The following B3GALT1 variants were observed in gnomAD, a reference collection of about 807,000 sequenced individuals.
B3GALT1 encodes the protein UDP-Gal:betaGlcNAc beta 1,3-galactosyltransferase, polypeptide 1.
Under a neutral mutation model 23.2 loss-of-function variants are expected in B3GALT1, and 10 were observed. That is an observed-to-expected ratio of 0.43 (90% CI 0.27 to 0.73). The LOEUF is 0.73. Ranked by LOEUF, B3GALT1 falls within the 30% of genes least tolerant of loss-of-function variation. The probability of loss-of-function intolerance (pLI) is 0.21; values close to 1 mark genes in which losing one functional copy is unlikely to be tolerated. For missense variants in B3GALT1, 299 were observed against 405.4 expected, an observed-to-expected ratio of 0.74 and a Z score of 2.25; for synonymous variants, 156 against 141.5, an observed-to-expected ratio of 1.10 and a Z score of -0.73.
chr2:167,836,195 G>C (rs1397149267), intron 4 of B3GALT1, among the ~76,000 whole-genome samples: 1 of 152,242 alleles, frequency 6.6e-6, no homozygotes. Flanking sequence ...ACTTTGACAA[G>C]TTGAGAGAAG....
At chr2:167,616,109 A>G (rs1685157096) in intron 2 of B3GALT1, among the ~76,000 whole-genome samples, 1 of 152,242 alleles carries the variant, frequency 6.6e-6, no homozygotes, top group East Asian at 1.9e-4. Flanking sequence ...ACTTTAGTTT[A>G]TAAATCCTTA....
chr2:167,449,672 G>T (rs925575446), intron 1 of B3GALT1, among the ~76,000 whole-genome samples: 7 of 152,068 alleles, frequency 4.6e-5, no homozygotes, highest in Non-Finnish European at 1.0e-4. Flanking sequence ...TCTAGTTCCA[G>T]TTCTCAAGGG....
At chr2:167,583,737 T>C (rs1309560164) in intron 2 of B3GALT1, among the ~76,000 whole-genome samples, 1 of 152,208 alleles carries the variant, frequency 6.6e-6, no homozygotes, top group Non-Finnish European at 1.5e-5. Flanking sequence ...GCAGTAATTC[T>C]TAAATTTTTT....
At chr2:167,857,386 G>A (rs1690018518) in intron 4 of B3GALT1, among the ~76,000 whole-genome samples, 1 of 152,108 alleles carries the variant, frequency 6.6e-6, no homozygotes, top group Admixed American at 6.6e-5. Flanking sequence ...CAAGAGCAAT[G>A]TGAGTAGACT....
At chr2:167,834,223 A>G (rs1689411027) in intron 4 of B3GALT1, among the ~76,000 whole-genome samples, 1 of 152,206 alleles carries the variant, frequency 6.6e-6, no homozygotes, top group South Asian at 2.1e-4. Flanking sequence ...TTGTATCATG[A>G]AGACTGGGTA....
intron 4 of B3GALT1, among the ~76,000 whole-genome samples, chr2:167,865,618 C>T (rs1429026128): frequency 1.3e-5 from 2 of 152,000 alleles, no homozygotes; most frequent in African/African-American, 2.4e-5. Flanking sequence ...CGTGAAACCC[C>T]GTCTCTACTA....
intron 2 of B3GALT1, among the ~76,000 whole-genome samples, chr2:167,510,299 A>G (rs1699986145): frequency 6.6e-6 from 1 of 152,102 alleles, no homozygotes; most frequent in Non-Finnish European, 1.5e-5. Flanking sequence ...CTTGCACAGA[A>G]TGAGTCATTT....
At chr2:167,454,196 AGTGT>A (rs35747652) in intron 1 of B3GALT1, among the ~76,000 whole-genome samples, 8 of 151,938 alleles carry the variant, frequency 5.3e-5, no homozygotes, top group Non-Finnish European at 7.4e-5. Flanking sequence ...ATAACAGGAA[AGTGT>A]GTGTGTGTGT....
chr2:167,446,634 C>G (rs944207176), intron 1 of B3GALT1, among the ~76,000 whole-genome samples: 2 of 152,108 alleles, frequency 1.3e-5, no homozygotes, highest in African/African-American at 4.8e-5. Flanking sequence ...TCACTGATAC[C>G]CTTTTTCAGT....
intron 1 of B3GALT1, among the ~76,000 whole-genome samples, chr2:167,383,137 A>C (rs1274119357): frequency 1.3e-5 from 2 of 151,916 alleles, no homozygotes; most frequent in East Asian, 3.9e-4. Flanking sequence ...ATTTTGTTTT[A>C]AAGTTGGATT....
intron 2 of B3GALT1, among the ~76,000 whole-genome samples, chr2:167,596,379 G>A (rs1055515409): frequency 2.0e-5 from 3 of 152,180 alleles, no homozygotes; most frequent in Non-Finnish European, 2.9e-5. Context: ...GCAGTGTGCT[G>A]TAGTTGAGAG....
chr2:167,684,373 G>A (rs939417150), intron 3 of B3GALT1, among the ~76,000 whole-genome samples: 2 of 152,210 alleles, frequency 1.3e-5, no homozygotes, highest in African/African-American at 4.8e-5. Flanking sequence ...CCCAGTGTCT[G>A]ATTTAATTTC....
At chr2:167,444,867 C>A (rs898197434) in intron 1 of B3GALT1, among the ~76,000 whole-genome samples, 2 of 152,154 alleles carry the variant, frequency 1.3e-5, no homozygotes, top group South Asian at 4.1e-4. Context: ...GTATCTCCTT[C>A]AGTTCTGCTC....
rs527886816 is a variant in B3GALT1, at chr2:167,441,873, A to T, written c.-510-48304A>T. Among the ~76,000 whole-genome samples, 95 of 144,188 alleles carry T rather than the reference A, an allele frequency of 6.6e-4. No homozygotes were observed. In the South Asian group the frequency reaches 9.7e-3, roughly 15 times the overall value. The allele number at this position is 144,188 out of a possible 152,430, so 94.6% of individuals were successfully genotyped here. Reference sequence around the variant, plus strand: ...CAAGATCCCATGTTTTTTTTTTTTTAATTTAATTTATTTTTTTTATTATAC... The same window carrying T: ...CAAGATCCCATGTTTTTTTTTTTTTTATTTAATTTATTTTTTTTATTATAC... On this transcript the variant is annotated intron_variant, in intron 1 of 4. Coordinates refer to ENST00000392690, the MANE Select transcript of B3GALT1 (RefSeq NM_020981.4).
At chr2:167,747,240 G>T (rs115788100) in intron 3 of B3GALT1, among the ~76,000 whole-genome samples, 1 of 152,274 alleles carries the variant, frequency 6.6e-6, no homozygotes, top group African/African-American at 2.4e-5. Context: ...GGGTTGGAAG[G>T]CTGTCTGACC....
At chr2:167,332,907 T>A (rs1696996650) in intron 1 of B3GALT1, among the ~76,000 whole-genome samples, 1 of 152,232 alleles carries the variant, frequency 6.6e-6, no homozygotes, top group Non-Finnish European at 1.5e-5. Context: ...TCAGTACATT[T>A]CATGCCTTAC....
At chr2:167,785,089 C>T (rs1367979843) in intron 3 of B3GALT1, among the ~76,000 whole-genome samples, 1 of 152,180 alleles carries the variant, frequency 6.6e-6, no homozygotes, top group Non-Finnish European at 1.5e-5. Flanking sequence ...TAGGTTAAAA[C>T]GATATATAAC....
intron 1 of B3GALT1, among the ~76,000 whole-genome samples, chr2:167,417,137 C>A (rs1368344635): frequency 6.6e-6 from 1 of 152,120 alleles, no homozygotes; most frequent in Non-Finnish European, 1.5e-5. Flanking sequence ...TTGTCCCCTT[C>A]AAAATTCATG....
At chr2:167,451,560 C>T (rs1439930782) in intron 1 of B3GALT1, among the ~76,000 whole-genome samples, 1 of 152,178 alleles carries the variant, frequency 6.6e-6, no homozygotes, top group Non-Finnish European at 1.5e-5. Flanking sequence ...CTGCAGGTCT[C>T]TCAGCCATGG....
Sources: allele counts gnomAD v4.1 joint callset (sites outside exome capture counted in the v4.1 genomes callset), GRCh38; gene constraint gnomAD v4.1.1; transcripts MANE v1.5; gene names NCBI Gene and HGNC (gene_info 2026-07-23, HGNC 2026-07-21).